PTPRK: variants seen among roughly 807,000 people sequenced by gnomAD.
PTPRK encodes the protein protein tyrosine phosphatase receptor type K.
A neutral mutation model predicts 178.0 loss-of-function variants in PTPRK; 75 were observed. The ratio of observed to expected loss-of-function variants is 0.42; its 90% CI spans 0.35 to 0.51. PTPRK has a LOEUF of 0.51. PTPRK is among the 20% of genes least tolerant of loss of function. The pLI, the probability that PTPRK is intolerant of heterozygous loss-of-function variation, is 0.02. For missense variants in PTPRK, 1,441 were observed against 1,797.8 expected (o/e 0.80, Z 3.59); for synonymous variants, 637 against 620.6 (o/e 1.03, Z -0.39).
chr6:128,205,481 G>A (rs547675522), intron 6 of PTPRK, among the ~76,000 whole-genome samples: 2 of 152,168 alleles, frequency 1.3e-5, no homozygotes, highest in East Asian at 1.9e-4. Flanking sequence ...CAGGCGTGGT[G>A]GCTCACGCCT....
intron 1 of PTPRK, among the ~76,000 whole-genome samples, chr6:128,412,223 TGATGGCA>T (rs1409133258): frequency 1.3e-5 from 2 of 152,316 alleles, no homozygotes; most frequent in East Asian, 3.9e-4. Context: ...CAGCAGCCAT[TGATGGCA>T]GAGTGGCGAC....
chr6:128,002,447 A>G (rs890292522), intron 15 of PTPRK, among the ~76,000 whole-genome samples: 12 of 151,980 alleles, frequency 7.9e-5, no homozygotes, highest in Non-Finnish European at 1.3e-4. Context: ...ATTACTAATC[A>G]TTGGTGTATA....
chr6:128,259,979 C>T (rs1817932479), intron 3 of PTPRK, among the ~76,000 whole-genome samples: 1 of 151,996 alleles, frequency 6.6e-6, no homozygotes. Context: ...TATATAGACC[C>T]AATTAACAGT....
At chr6:128,138,721 C>T (rs889032245) in intron 7 of PTPRK, among the ~76,000 whole-genome samples, 12 of 152,240 alleles carry the variant, frequency 7.9e-5, no homozygotes, top group Admixed American at 2.0e-4. Flanking sequence ...TCTGGGACTT[C>T]AAGCAACTAG....
At chr6:128,432,003 A>C (rs1253350759) in intron 1 of PTPRK, among the ~76,000 whole-genome samples, 1 of 152,176 alleles carries the variant, frequency 6.6e-6, no homozygotes, top group Non-Finnish European at 1.5e-5. Flanking sequence ...AGGAAGAAAA[A>C]AAGTGAGGGA....
intron 3 of PTPRK, among the ~76,000 whole-genome samples, chr6:128,316,778 T>G (rs1373285823): frequency 1.3e-5 from 2 of 148,576 alleles, no homozygotes; most frequent in Admixed American, 1.4e-4. Context: ...AGTGCAGTGG[T>G]GCGATCTCCA....
chr6:128,520,592 C>T lies in PTPRK; in HGVS notation c.-234G>A, dbSNP rs981162459. 5 of 518,826 alleles carry T rather than the reference C, an allele frequency of 9.6e-6. No individual in the cohort carries two copies. Among genetic ancestry groups the T allele is most frequent in the Admixed American group, 3.2e-5 (1 of 30,946 alleles). 32.1% of individuals were successfully genotyped at this position (518,826 alleles called of 1,614,324 possible). Reference sequence around the variant, plus strand: ...TCTCCATGCTCGGCGGAGGCTGCTCCTGTTAGTCAAGAGTTACTTTGCTCG... The same window carrying T: ...TCTCCATGCTCGGCGGAGGCTGCTCTTGTTAGTCAAGAGTTACTTTGCTCG... On this transcript the variant is annotated 5_prime_UTR_variant, in exon 1 of 30. Transcript: ENST00000368226.
chr6:128,411,306 A>T (rs1390347122), intron 1 of PTPRK, among the ~76,000 whole-genome samples: 2 of 152,220 alleles, frequency 1.3e-5, no homozygotes, highest in African/African-American at 2.4e-5. Flanking sequence ...TGCCAGCCAT[A>T]TTGTACTTTT....
intron 2 of PTPRK, among the ~76,000 whole-genome samples, chr6:128,375,083 AT>A (rs899220299): frequency 6.8e-6 from 1 of 147,100 alleles, no homozygotes; most frequent in African/African-American, 2.5e-5. Context: ...TATTATTATT[AT>A]TATTATTATT....
chr6:128,104,001 G>C (rs1490828618), intron 7 of PTPRK, among the ~76,000 whole-genome samples: 2 of 152,116 alleles, frequency 1.3e-5, no homozygotes, highest in Admixed American at 6.5e-5. Flanking sequence ...TGCCAGCTAC[G>C]CTTCTTGTCC....
intron 2 of PTPRK, among the ~76,000 whole-genome samples, chr6:128,377,785 A>G (rs1270838901): frequency 2.1e-5 from 3 of 141,770 alleles, no homozygotes; most frequent in East Asian, 1.9e-4. Context: ...AAATAAATGG[A>G]AAAAAAAAAT....
chr6:128,458,426 G>A (rs1016760578), intron 1 of PTPRK, among the ~76,000 whole-genome samples: 4 of 152,138 alleles, frequency 2.6e-5, no homozygotes, highest in African/African-American at 9.7e-5. Flanking sequence ...ATATATGGAA[G>A]ATAACTCTAC....
At chr6:128,233,766 A>G (rs1812733477) in intron 5 of PTPRK, among the ~76,000 whole-genome samples, 1 of 152,144 alleles carries the variant, frequency 6.6e-6, no homozygotes, top group African/African-American at 2.4e-5. Flanking sequence ...TTTTGATGAC[A>G]ATCTGCATAG....
At chr6:128,181,760 TG>T (rs992527604) in intron 7 of PTPRK, among the ~76,000 whole-genome samples, 1 of 152,090 alleles carries the variant, frequency 6.6e-6, no homozygotes, top group Non-Finnish European at 1.5e-5. Context: ...ACCTGAAATT[TG>T]GGGAAAGGTA....
intron 5 of PTPRK, among the ~76,000 whole-genome samples, chr6:128,239,789 G>A (rs1814050820): frequency 6.6e-6 from 1 of 152,170 alleles, no homozygotes; most frequent in African/African-American, 2.4e-5. Flanking sequence ...ATATAACAGA[G>A]AGAATTGTGT....
chr6:128,258,011 A>C (rs1034729155), intron 3 of PTPRK, among the ~76,000 whole-genome samples: 12 of 152,212 alleles, frequency 7.9e-5, no homozygotes, highest in Admixed American at 4.6e-4. Context: ...CCTGGGAGAA[A>C]GAAAAATGGC....
At chr6:128,333,016 G>A (rs887575801) in intron 2 of PTPRK, among the ~76,000 whole-genome samples, 2 of 152,170 alleles carry the variant, frequency 1.3e-5, no homozygotes, top group South Asian at 2.1e-4. Flanking sequence ...GTAGTGAAAA[G>A]TTTTGAGAAG....
At chr6:128,518,133 G>A (rs62426791) in intron 1 of PTPRK, among the ~76,000 whole-genome samples, 10,556 of 152,228 alleles carry the variant, frequency 0.069, 440 homozygotes, top group Non-Finnish European at 0.1. Context: ...ATTCATTTCT[G>A]GGCATACATT....
chr6:128,126,464 G>A (rs1793392439), intron 7 of PTPRK, among the ~76,000 whole-genome samples: 1 of 152,058 alleles, frequency 6.6e-6, no homozygotes, highest in Non-Finnish European at 1.5e-5. Flanking sequence ...TTGTATGCAG[G>A]CTTTTCTGCA....
Sources: gnomAD v4.1 joint callset for allele counts (sites outside exome capture counted in the v4.1 genomes callset) on GRCh38, gnomAD v4.1.1 for gene constraint, MANE v1.5 for transcripts, NCBI Gene and HGNC (gene_info 2026-07-23, HGNC 2026-07-21) for gene names.